ILKAP: variants seen among roughly 807,000 people sequenced by gnomAD.
ILKAP encodes the protein ILK associated serine/threonine phosphatase, also known as integrin-linked kinase-associated serine/threonine phosphatase 2C.
Under a neutral mutation model 49.1 loss-of-function variants are expected in ILKAP, and 11 were observed. The ratio of observed to expected loss-of-function variants is 0.22; its 90% CI spans 0.14 to 0.37. The LOEUF (loss-of-function observed/expected upper bound fraction) is 0.37. Among genes scored for constraint, ILKAP ranks in the 10% least tolerant of loss-of-function variants. ILKAP has a pLI of 1.00. For synonymous variants in ILKAP, 186 were observed against 192.8 expected (o/e 0.96, Z 0.29); for missense variants, 363 against 510.8 (o/e 0.71, Z 2.79).
rs564893792 is a variant in ILKAP at position 238,180,168 on chromosome 2, A to G, written c.836+1897T>C. On this transcript the variant is annotated intron_variant, in intron 9 of 11. Coordinates refer to ENST00000254654, the MANE Select transcript of ILKAP (RefSeq NM_030768.3). ...GCAACAGATCAAGATTCTCTCTCTC[A>G]AAAAAAAAAAAGAAAGAAAGAAAAA... 2.4e-4 allele frequency among the ~76,000 whole-genome samples: 34 copies of G among 144,344 alleles called. 1 individual carries two copies. Among genetic ancestry groups the G allele is most frequent in the African/African-American group, 8.6e-4 (34 of 39,588 alleles). The allele number at this position is 144,344 out of a possible 152,430, so 94.7% of individuals were successfully genotyped here.
intron 5 of ILKAP, 35 bp downstream of exon 5, chr2:238,188,096 A>C (rs1379244622): frequency 1.2e-6 from 2 of 1,610,868 alleles, no homozygotes; most frequent in Non-Finnish European, 1.7e-6. Context: ...AGGAGATGTT[A>C]ATGCCAGCCG....
chr2:238,183,932 T>C (rs950609254), intron 7 of ILKAP, 88 bp downstream of exon 7: 51 of 1,001,988 alleles, frequency 5.1e-5, no homozygotes, highest in Non-Finnish European at 7.7e-5. Flanking sequence ...CAGTGAGCAA[T>C]AGTGTTAAAC....
chr2:238,177,547 G>A (rs537970317), intron 9 of ILKAP, among the ~76,000 whole-genome samples: 1 of 152,172 alleles, frequency 6.6e-6, no homozygotes, highest in Admixed American at 6.5e-5. Context: ...GAACTTGACT[G>A]GTACCTCCTA....
intron 1 of ILKAP, among the ~76,000 whole-genome samples, chr2:238,201,542 G>A (rs1383529595): frequency 6.6e-6 from 1 of 152,182 alleles, no homozygotes. Context: ...GCTCAGTCAA[G>A]GTTGGAAACT....
chr2:238,179,325 T>C (rs899889997), intron 9 of ILKAP, among the ~76,000 whole-genome samples: 8 of 152,154 alleles, frequency 5.3e-5, no homozygotes, highest in Non-Finnish European at 1.0e-4. Context: ...TCCACAACTA[T>C]AGGTGACTAT....
intron 3 of ILKAP, among the ~76,000 whole-genome samples, chr2:238,194,014 TAAG>T (rs1694249969): frequency 6.6e-6 from 1 of 152,236 alleles, no homozygotes; most frequent in Non-Finnish European, 1.5e-5. Context: ...ATAACAAAGT[TAAG>T]AGTAAATTAG....
rs114351676 is a variant in ILKAP at position 238,174,489 on chromosome 2, C to A, written c.837-836G>T. On this transcript the variant is annotated intron_variant, in intron 9 of 11. Transcript: ENST00000254654. The stretch of plus-strand genomic sequence containing the variant: ...GCACTCCGCAAATGCCACGGCTGCG[C>A]ATGGGCGTTTAAGATCACCACGGGG... 1.9e-3 allele frequency among the ~76,000 whole-genome samples: 295 copies of A among 152,364 alleles called. 1 individual carries two copies. The highest frequency in any genetic ancestry group is 6.6e-3 in the African/African-American group (276 of 41,578).
In ILKAP at chr2:238,183,798, A is replaced by G. The variant is rs891973868; in HGVS notation, c.627-58T>C. ...ACCAATAGCCCAGCACTTTGAGACT[A>G]ATTTCCAGAGCTCAATGGGAAGTAT... On this transcript the variant is annotated intron_variant, in intron 7 of 11. Transcript: ENST00000254654. The G allele has an allele frequency of 3.9e-6, 5 of 1,284,836 alleles. No individual in the cohort carries two copies. The African/African-American group carries it at 6.0e-5, about 15-fold the overall frequency. The allele number at this position is 1,284,836 out of a possible 1,614,324, so 79.6% of individuals were successfully genotyped here. A position where few individuals can be genotyped will look rare whatever the true frequency, so the allele number is the denominator to read the frequency against.
At chr2:238,178,651 C>T (rs544003172) in intron 9 of ILKAP, among the ~76,000 whole-genome samples, 53 of 152,270 alleles carry the variant, frequency 3.5e-4, no homozygotes, top group Admixed American at 5.9e-4. Context: ...TCCAAGCTTG[C>T]GATTTAAAAT....
At chr2:238,200,152 T>C (rs929313853) in intron 1 of ILKAP, among the ~76,000 whole-genome samples, 2 of 152,242 alleles carry the variant, frequency 1.3e-5, no homozygotes, top group Non-Finnish European at 2.9e-5. Flanking sequence ...TCGGCACTTT[T>C]ATGGGTATGA....
At chr2:238,178,210 C>T (rs2106328722) in intron 9 of ILKAP, among the ~76,000 whole-genome samples, 1 of 152,292 alleles carries the variant, frequency 6.6e-6, no homozygotes, top group East Asian at 1.9e-4. Context: ...GAGACAGGGT[C>T]TCACTCTGTC....
chr2:238,194,910 C>T (rs771219371), intron 1 of ILKAP, 40 bp from the exon 2 acceptor site: 2 of 1,477,484 alleles, frequency 1.4e-6, no homozygotes, highest in South Asian at 1.1e-5. Flanking sequence ...ATATGGTCAT[C>T]ACCCAGGACA....
chr2:238,181,621 T>C (rs1308638171), intron 9 of ILKAP, among the ~76,000 whole-genome samples: 1 of 145,922 alleles, frequency 6.9e-6, no homozygotes, highest in Non-Finnish European at 1.5e-5. Context: ...AGGTTTTTTT[T>C]TTGGTTTTTT....
chr2:238,175,387 A>G (rs1693406503), intron 9 of ILKAP, among the ~76,000 whole-genome samples: 2 of 152,252 alleles, frequency 1.3e-5, no homozygotes, highest in South Asian at 4.1e-4. Context: ...ATGTGGCCTC[A>G]TTCTTGTTTT....
At chr2:238,195,257 T>C (rs1360023704) in intron 1 of ILKAP, among the ~76,000 whole-genome samples, 1 of 152,158 alleles carries the variant, frequency 6.6e-6, no homozygotes, top group Non-Finnish European at 1.5e-5. Flanking sequence ...ACTTGAGACT[T>C]CCTGATAGAC....
At chr2:238,190,877 TAAAAAAAAAA>T (rs57511265) in intron 3 of ILKAP, among the ~76,000 whole-genome samples, 138 of 95,140 alleles carry the variant, frequency 1.5e-3, no homozygotes, top group African/African-American at 5.4e-3. Flanking sequence ...CGTTTCTCTT[TAAAAAAAAAA>T]AAAAAAAAAA....
chr2:238,197,460 C>T (rs1192204610), intron 1 of ILKAP, among the ~76,000 whole-genome samples: 1 of 152,178 alleles, frequency 6.6e-6, no homozygotes, highest in Admixed American at 6.5e-5. Context: ...AACAACCCTT[C>T]CGCTTGTACC....
At chr2:238,199,898 C>A (rs554084836) in intron 1 of ILKAP, among the ~76,000 whole-genome samples, 89 of 152,116 alleles carry the variant, frequency 5.9e-4, no homozygotes, top group Non-Finnish European at 1.2e-3. Context: ...TACAAGTATG[C>A]GCCATCGAGC....
At chr2:238,173,114 C>T (rs1004023907) in intron 10 of ILKAP, among the ~76,000 whole-genome samples, 1 of 152,180 alleles carries the variant, frequency 6.6e-6, no homozygotes, top group Non-Finnish European at 1.5e-5. Context: ...GAGGGCCGGC[C>T]CTTCAGGATC....
Sources: allele counts gnomAD v4.1 joint callset (sites outside exome capture counted in the v4.1 genomes callset), GRCh38; gene constraint gnomAD v4.1.1; transcripts MANE v1.5; gene names NCBI Gene and HGNC (gene_info 2026-07-23, HGNC 2026-07-21).